Variants in UBR2 observed in about 807,000 individuals in gnomAD.
UBR2 encodes the protein ubiquitin protein ligase E3 component n-recognin 2.
A neutral mutation model predicts 247.9 loss-of-function variants in UBR2; 92 were observed. The ratio of observed to expected loss-of-function variants is 0.37; its 90% CI spans 0.31 to 0.44. The LOEUF (loss-of-function observed/expected upper bound fraction) is 0.44, where lower values mean the gene tolerates loss of function less well. Ranked by LOEUF, UBR2 falls within the 20% of genes least tolerant of loss-of-function variation. UBR2 has a pLI of 1.00. For synonymous variants in UBR2, 672 were observed against 693.5 expected (o/e 0.97, Z 0.49); for missense variants, 1,613 against 2,112.6 (o/e 0.76, Z 4.64).
At chr6:42,616,658 C>T (rs1174728305) in intron 10 of UBR2, among the ~76,000 whole-genome samples, 2 of 149,938 alleles carry the variant, frequency 1.3e-5, no homozygotes, top group Non-Finnish European at 3.0e-5. Flanking sequence ...GAAACAAGGT[C>T]TCTTCAGAAC....
chr6:42,634,783 G>A (rs980326351), intron 13 of UBR2, among the ~76,000 whole-genome samples: 1 of 152,196 alleles, frequency 6.6e-6, no homozygotes, highest in African/African-American at 2.4e-5. Context: ...CCTAGGTTGG[G>A]TGGTAGTTCA....
At chr6:42,671,143 C>T (rs540175618) in intron 36 of UBR2, among the ~76,000 whole-genome samples, 92 of 149,028 alleles carry the variant, frequency 6.2e-4, no homozygotes, top group Admixed American at 1.6e-3. Context: ...TGAGATTGTG[C>T]CATTGCACTC....
At chr6:42,574,948 CT>C (rs200685772) in intron 2 of UBR2, among the ~76,000 whole-genome samples, 3,357 of 152,266 alleles carry the variant, frequency 0.022, 115 homozygotes, top group African/African-American at 0.076. Context: ...ATCCACCTGC[CT>C]TGGCCTCCCA....
chr6:42,568,611 T>A (rs1790924282), intron 1 of UBR2, among the ~76,000 whole-genome samples: 1 of 151,974 alleles, frequency 6.6e-6, no homozygotes, highest in Non-Finnish European at 1.5e-5. Flanking sequence ...GCGCCTGTGG[T>A]CCCAGCTACT....
chr6:42,642,208 G>T (rs558723435), intron 17 of UBR2, among the ~76,000 whole-genome samples: 10 of 152,232 alleles, frequency 6.6e-5, no homozygotes, highest in African/African-American at 2.4e-4. Flanking sequence ...AACCCAGCAA[G>T]TTAGCTGCAA....
Position 42,676,143 on chromosome 6 carries a change from C to T in UBR2, c.4339C>T (p.Leu1447=). The T allele has an allele frequency of 6.2e-7, 1 of 1,613,820 alleles. No individual in the cohort carries two copies. Among genetic ancestry groups the T allele is most frequent in the Non-Finnish European group, 8.5e-7 (1 of 1,179,982 alleles). The change falls in exon 39 of 47, where the codon CTG becomes TTG. Residue 1447 remains leucine, a synonymous_variant. Transcript: ENST00000372901. ...LGTGDLHIFH[L]VTMAHIIQIL... ...CACTGGAGACCTTCACATTTTCCAT[C>T]TGGTTACTATGGCACACATCATACA...
At chr6:42,580,981 G>A (rs890262851) in intron 2 of UBR2, among the ~76,000 whole-genome samples, 2 of 144,252 alleles carry the variant, frequency 1.4e-5, no homozygotes, top group Admixed American at 1.4e-4. Flanking sequence ...TGTCACCTTA[G>A]ATTACCTTGG....
chr6:42,655,633 AT>A lies in UBR2; in HGVS notation c.2784del (p.Ile928MetfsTer12). On this transcript the variant is annotated frameshift_variant, in exon 26 of 47. Transcript: ENST00000372901. LOFTEE classifies it high-confidence loss of function. Reference protein sequence around the residue: ...ESMLQRVLHLIGMALQEEKQH... With the variant: ...ESMLQRVLHLXGMALQEEKQH... ...ACATTTATTCAAGGTGTTACATTTAATTGGCATGGCACTACAAGAAGAAAAA... is the reference window on the plus strand; with the variant it reads ...ACATTTATTCAAGGTGTTACATTTAATGGCATGGCACTACAAGAAGAAAAA... The A allele has an allele frequency of 6.4e-7, 1 of 1,552,176 alleles. No homozygotes were observed. Among genetic ancestry groups the A allele is most frequent in the South Asian group, 1.3e-5 (1 of 79,616 alleles).
chr6:42,567,076 G>C (rs1449650044), intron 1 of UBR2, among the ~76,000 whole-genome samples: 2 of 152,124 alleles, frequency 1.3e-5, no homozygotes, highest in African/African-American at 4.8e-5. Context: ...AGTGATTGTA[G>C]GCTTTAGACC....
chr6:42,648,209 T>C (rs1443046297), intron 22 of UBR2, 39 bp downstream of exon 22: 1 of 1,549,658 alleles, frequency 6.5e-7, no homozygotes, highest in Admixed American at 1.7e-5. Flanking sequence ...CTTTTTTACT[T>C]TTCCAGTACA....
intron 11 of UBR2, among the ~76,000 whole-genome samples, chr6:42,619,299 G>A (rs191057949): frequency 5.3e-5 from 8 of 150,312 alleles, no homozygotes; most frequent in African/African-American, 2.4e-5. Flanking sequence ...AATTTAGGAA[G>A]CACTAACATC....
In UBR2 at chr6:42,585,299, C is replaced by A. The variant is rs150454095; in HGVS notation, c.339-6852C>A. On this transcript the variant is annotated intron_variant, in intron 2 of 46. Coordinates refer to ENST00000372901, the MANE Select transcript of UBR2 (RefSeq NM_001363705.2). ...TACTGGATGAATCCGGCTCTATTAT[C>A]ATGAATTATAACTTTTGTATATTGC... Among the ~76,000 whole-genome samples, 3 of 152,164 alleles carry A rather than the reference C, an allele frequency of 2.0e-5. No individual in the cohort carries two copies. In the East Asian group the frequency reaches 5.8e-4, roughly 29 times the overall value.
intron 43 of UBR2, among the ~76,000 whole-genome samples, chr6:42,683,457 G>C (rs977105551): frequency 2.6e-5 from 4 of 152,030 alleles, no homozygotes; most frequent in African/African-American, 9.7e-5. Context: ...AAAATAATGA[G>C]GCTCCACATA....
At chr6:42,662,018 A>G (rs1194868891) in intron 30 of UBR2, among the ~76,000 whole-genome samples, 166 bp from the exon 31 acceptor site, 1 of 152,234 alleles carries the variant, frequency 6.6e-6, no homozygotes, top group Non-Finnish European at 1.5e-5. Context: ...CCTACTTTCT[A>G]AATAATCCAA....
intron 20 of UBR2, among the ~76,000 whole-genome samples, chr6:42,644,805 G>A (rs1461848046): frequency 6.6e-6 from 1 of 152,050 alleles, no homozygotes; most frequent in African/African-American, 2.4e-5. Context: ...TAGGGGGAGC[G>A]GGGGACAGGA....
intron 44 of UBR2, among the ~76,000 whole-genome samples, chr6:42,686,272 G>T (rs1190986954): frequency 2.6e-5 from 4 of 151,180 alleles, no homozygotes; most frequent in African/African-American, 9.8e-5. Context: ...TTAGGGAGTG[G>T]TGATGACTCT....
At chr6:42,610,298 A>G (rs978268340) in intron 7 of UBR2, among the ~76,000 whole-genome samples, 1 of 152,252 alleles carries the variant, frequency 6.6e-6, no homozygotes, top group Non-Finnish European at 1.5e-5. Flanking sequence ...AACATTAAAA[A>G]TAGAATTACC....
At position 42,635,421 on chromosome 6, in the gene UBR2, A is replaced by G. The variant is rs781092991; in HGVS notation, c.1549A>G (p.Met517Val). Residue 517 changes from methionine to valine, a missense_variant, in exon 14 of 47, where the codon ATG (methionine) becomes GTG (valine). By Grantham distance (21) the Met-to-Val change is conservative. Transcript: ENST00000372901. ...FLELLKCMQG[M>V]DPITRQVGQH... ...TAATTTTTTCACTTCCGTTAAGGGA[A>G]TGGATCCAATTACACGTCAAGTAGG... 6.2e-6 allele frequency: 10 copies of G among 1,613,132 alleles called. No homozygotes were observed. Among genetic ancestry groups the G allele is most frequent in the Non-Finnish European group, 8.5e-6 (10 of 1,179,482 alleles).
In UBR2 at chr6:42,686,077, G is replaced by GT. The variant is rs199621864; in HGVS notation, c.4853+1216dup. Among the ~76,000 whole-genome samples the GT allele has an allele frequency of 2.8e-4, 40 of 145,032 alleles. 1 individual carries two copies. In the South Asian group the frequency reaches 3.1e-3, roughly 11 times the overall value. Reference sequence around the variant, plus strand: ...AGCAGCATGTATTGTTATTTTGTATGTTTTTTTTTTAATTAGTATTTATTG... The same window carrying GT: ...AGCAGCATGTATTGTTATTTTGTATGTTTTTTTTTTTAATTAGTATTTATTG... On this transcript the variant is annotated intron_variant, in intron 44 of 46. Transcript: ENST00000372901.
Sources: allele counts gnomAD v4.1 joint callset (sites outside exome capture counted in the v4.1 genomes callset), GRCh38; gene constraint gnomAD v4.1.1; transcripts MANE v1.5; gene names NCBI Gene and HGNC (gene_info 2026-07-23, HGNC 2026-07-21).